The following PALM variants were observed in gnomAD, a reference collection of about 807,000 sequenced individuals.
The protein encoded by PALM is paralemmin-1.
A neutral mutation model predicts 30.7 loss-of-function variants in PALM; 18 were observed. The observed-to-expected ratio is 0.59, with a 90% CI of 0.41 to 0.87. The LOEUF (loss-of-function observed/expected upper bound fraction) is 0.87. Among genes scored for constraint, PALM ranks in the 40% least tolerant of loss-of-function variants. The pLI is 0.00. For missense variants in PALM, 529 were observed against 555.4 expected (o/e 0.95, Z 0.48); for synonymous variants, 286 against 242.8 (o/e 1.18, Z -1.66).
At position 742,454 on chromosome 19, in the gene PALM, A is replaced by G. The variant is rs1035880322; in HGVS notation, c.634+1971A>G. ...CCCCCGTCTCTGCTAAAAATACAAA[A>G]ATTAGCTGGACGTGGTGGCGGACGC... On this transcript the variant is annotated intron_variant, in intron 8 of 8. Transcript: ENST00000338448. This position sits in a 1 kb window ranked among gnomAD's most constrained non-coding sequence, Gnocchi z 5.5. Among the ~76,000 whole-genome samples the G allele has an allele frequency of 2.0e-5, 3 of 152,036 alleles. No homozygotes were observed. Among genetic ancestry groups the G allele is most frequent in the African/African-American group, 7.2e-5 (3 of 41,384 alleles).
chr19:736,282 C>A, intron 7 of PALM: 1 of 521,550 alleles, frequency 1.9e-6, no homozygotes, highest in Admixed American at 3.9e-5. Context: ...TGCCCTGGTC[C>A]CACGCCGGCC....
At chr19:727,504 T>TA (rs1370782421) in intron 3 of PALM, 60 bp from the exon 4 acceptor site, 197 of 1,393,784 alleles carry the variant, frequency 1.4e-4, no homozygotes, top group Middle Eastern at 1.1e-3. Context: ...ACCTCAGTCT[T>TA]AAGTCTTAAC....
At position 746,670 on chromosome 19, in the gene PALM, T is replaced by C; in HGVS notation, c.1020T>C (p.Pro340=). Residue 340 remains proline (P), a synonymous_variant, in exon 9 of 9, where the codon CCT becomes CCC. Coordinates refer to ENST00000338448, the MANE Select transcript of PALM (RefSeq NM_002579.3). This position sits in a 1 kb window ranked among gnomAD's most constrained non-coding sequence, Gnocchi z 7.1. ...AAGACGCGGCTGAGCCCAAGGAGCC[T>C]GCACCACCCAACGGCAGTGCTGCCG... ...VIEDAAEPKE[P]APPNGSAAEP... 1.2e-6 allele frequency: 2 copies of C among 1,611,450 alleles called. No homozygotes were observed. The highest frequency in any genetic ancestry group is 8.5e-7 in the Non-Finnish European group (1 of 1,179,418).
chr19:727,127 G>A (rs1372767658), intron 3 of PALM, 39 bp downstream of exon 3: 4 of 1,375,662 alleles, frequency 2.9e-6, no homozygotes, highest in Non-Finnish European at 4.0e-6. Context: ...GGGAGTGCAG[G>A]CGGCTGTGAG....
At chr19:733,167 C>T (rs2032923366) in intron 5 of PALM, among the ~76,000 whole-genome samples, 1 of 152,114 alleles carries the variant, frequency 6.6e-6, no homozygotes, top group Non-Finnish European at 1.5e-5. Context: ...CTCAGGTGAT[C>T]CGCCCGCCTC....
At position 734,197 on chromosome 19, in the gene PALM, A is replaced by G. The variant is rs779417544; in HGVS notation, c.442+3A>G. 4 of 1,613,668 alleles carry G rather than the reference A, an allele frequency of 2.5e-6. No individual in the cohort carries two copies. In the South Asian group the frequency reaches 3.3e-5, roughly 13 times the overall value. On this transcript the variant is annotated splice_donor_region_variant and intron_variant, in intron 6 of 8. Coordinates refer to ENST00000338448, the MANE Select transcript of PALM (RefSeq NM_002579.3). ...GACGCCGGTGGGCACGCCCAAAGGTAGGACCTCTGGAAGGAACTCGTGGGG... is the reference window on the plus strand; with the variant it reads ...GACGCCGGTGGGCACGCCCAAAGGTGGGACCTCTGGAAGGAACTCGTGGGG...
At position 727,003 on chromosome 19, in the gene PALM, C is replaced by CCCCCCCCGGGA; in HGVS notation, c.58-5_58-4insCCCCCCCGGGA. 1 of 1,524,296 alleles carries CCCCCCCCGGGA rather than the reference C, an allele frequency of 6.6e-7. No individual in the cohort carries two copies. Among genetic ancestry groups the CCCCCCCCGGGA allele is most frequent in the Non-Finnish European group, 8.9e-7 (1 of 1,124,958 alleles). 94.4% of individuals were successfully genotyped at this position (1,524,296 alleles called of 1,614,324 possible). On this transcript the variant is annotated splice_polypyrimidine_tract_variant and splice_region_variant and intron_variant, in intron 2 of 8. Transcript: ENST00000338448. ...ATCCCTGACCCCACCCGGCCCTCCC[C>CCCCCCCCGGGA]ACAGGAGAAGCGGAAGCGGCAGGCG... is the stretch of plus-strand genomic sequence containing the variant.
In PALM at chr19:746,486, AGCCAGGCGAG is replaced by A; in HGVS notation, c.841_850del (p.Gly281ArgfsTer17). On this transcript the variant is annotated frameshift_variant, in exon 9 of 9. Coordinates refer to ENST00000338448, the MANE Select transcript of PALM (RefSeq NM_002579.3). LOFTEE classifies it low-confidence loss of function (END_TRUNC). The surrounding 1 kb of genome is among the most constrained non-coding windows in gnomAD (Gnocchi z 7.1). Reference sequence around the variant, plus strand: ...CGGGAGATCACCGGTGTGCAGGCACAGCCAGGCGAGGCCACGTCCGGCCCGCCGGGGATCC... The same window carrying A: ...CGGGAGATCACCGGTGTGCAGGCACAGCCACGTCCGGCCCGCCGGGGATCC... 1 of 1,611,044 alleles carries A rather than the reference AGCCAGGCGAG, an allele frequency of 6.2e-7. No homozygotes were observed. Among genetic ancestry groups the A allele is most frequent in the Non-Finnish European group, 8.5e-7 (1 of 1,179,012 alleles).
intron 1 of PALM, among the ~76,000 whole-genome samples, chr19:721,541 C>T (rs551151497): frequency 6.6e-6 from 1 of 152,270 alleles, no homozygotes; most frequent in African/African-American, 2.4e-5. Flanking sequence ...GCTAGGATTA[C>T]AGGCATGAGC....
At chr19:711,294 T>C (rs1332857183) in intron 1 of PALM, 18 of 492,468 alleles carry the variant, frequency 3.7e-5, no homozygotes, top group Non-Finnish European at 4.5e-5. Flanking sequence ...GCGTGACACA[T>C]GGTCTGGCTG....
chr19:736,674 GGCACAGGA>G (rs1369581849), intron 7 of PALM, among the ~76,000 whole-genome samples: 1 of 152,204 alleles, frequency 6.6e-6, no homozygotes, highest in Non-Finnish European at 1.5e-5. Context: ...CCTGGGGCCC[GGCACAGGA>G]CAGGAGCCCA....
At chr19:728,232 C>A (rs570491735) in intron 4 of PALM, among the ~76,000 whole-genome samples, 37 of 152,284 alleles carry the variant, frequency 2.4e-4, no homozygotes, top group Admixed American at 1.3e-3. Flanking sequence ...GGGCTGGGAC[C>A]AAAGGCCTGG....
chr19:741,989 G>T (rs921218014), intron 8 of PALM, among the ~76,000 whole-genome samples: 2 of 152,300 alleles, frequency 1.3e-5, no homozygotes, highest in African/African-American at 4.8e-5. Flanking sequence ...TGAGACCACA[G>T]GCATGAGTCA....
intron 1 of PALM, among the ~76,000 whole-genome samples, chr19:713,825 G>A (rs1193617637): frequency 2.6e-5 from 4 of 151,880 alleles, no homozygotes; most frequent in Non-Finnish European, 4.4e-5. Flanking sequence ...CAAGTGATCC[G>A]CCTGCCTCAG....
chr19:738,730 G>A (rs1050569512), intron 7 of PALM, among the ~76,000 whole-genome samples: 12 of 152,176 alleles, frequency 7.9e-5, no homozygotes, highest in Non-Finnish European at 1.3e-4. Context: ...GGTCCCCGGC[G>A]CAGAGCAGAG....
At position 742,646 on chromosome 19, in the gene PALM, C is replaced by T. The variant is rs1180383956; in HGVS notation, c.634+2163C>T. On this transcript the variant is annotated intron_variant, in intron 8 of 8. Transcript: ENST00000338448. The surrounding 1 kb of genome is among the most constrained non-coding windows in gnomAD (Gnocchi z 5.5). The stretch of plus-strand genomic sequence containing the variant: ...AAAGAAAAGAGAATAAATGGGGTCA[C>T]ACACTGCACGTGGCCTTCTGTGTCT... Among the ~76,000 whole-genome samples the T allele has an allele frequency of 6.6e-6, 1 of 150,484 alleles. No homozygotes were observed. The highest frequency in any genetic ancestry group is 1.5e-5 in the Non-Finnish European group (1 of 67,764).
chr19:723,880 G>C (rs1016356790), intron 1 of PALM, among the ~76,000 whole-genome samples: 1 of 152,158 alleles, frequency 6.6e-6, no homozygotes, highest in Non-Finnish European at 1.5e-5. Flanking sequence ...ACAGGCGTGA[G>C]CCACCGCGCC....
At chr19:714,210 T>A (rs557340106) in intron 1 of PALM, among the ~76,000 whole-genome samples, 5 of 149,916 alleles carry the variant, frequency 3.3e-5, no homozygotes, top group African/African-American at 1.2e-4. Flanking sequence ...CGGCTTGTTG[T>A]ATATTTTTTA....
rs1451741629 is a variant in PALM at position 740,256 on chromosome 19, G to C, written c.503-96G>C. 4 of 1,292,594 alleles carry C rather than the reference G, an allele frequency of 3.1e-6. No homozygotes were observed. In the Admixed American group the frequency reaches 9.7e-5, roughly 31 times the overall value. 80.1% of individuals were successfully genotyped at this position (1,292,594 alleles called of 1,614,324 possible). On this transcript the variant is annotated intron_variant, in intron 7 of 8. Coordinates refer to ENST00000338448, the MANE Select transcript of PALM (RefSeq NM_002579.3). ...GCCTGCCCCATCGCTGCTTGGCTCT[G>C]CGCTGCTGGCTCCCCCCTCCCTGGC...
Sources: gnomAD v4.1 joint callset for allele counts (sites outside exome capture counted in the v4.1 genomes callset) on GRCh38, gnomAD v4.1.1 for gene constraint, Gnocchi (gnomAD v3.1) non-coding constraint, MANE v1.5 for transcripts, NCBI Gene and HGNC (gene_info 2026-07-23, HGNC 2026-07-21) for gene names.